The following LTBP1 variants were observed in gnomAD, a reference collection of about 807,000 sequenced individuals.
The protein encoded by LTBP1 is latent transforming growth factor beta binding protein 1.
LTBP1 carries 129 observed loss-of-function variants against 207.6 expected under a neutral mutation model. The ratio of observed to expected loss-of-function variants is 0.62; its 90% CI spans 0.54 to 0.72. LTBP1 has a LOEUF of 0.72. LTBP1 is among the 30% of genes least tolerant of loss of function. LTBP1 has a pLI of 0.00. For missense variants in LTBP1, 2,281 were observed against 2,217.2 expected (o/e 1.03, Z -0.58); for synonymous variants, 963 against 833.7 (o/e 1.16, Z -2.67).
At chr2:33,158,153 A>C (rs1029904283) in intron 5 of LTBP1, among the ~76,000 whole-genome samples, 5 of 140,262 alleles carry the variant, frequency 3.6e-5, no homozygotes, top group African/African-American at 5.0e-5. Context: ...AAAAACAAAA[A>C]AAAAAAAAAA....
At position 33,287,321 on chromosome 2, in the gene LTBP1, C is replaced by A. The variant is rs1181490712; in HGVS notation, c.3113-5839C>A. ...AGGTTATAGGTAATAAATGTCAGAACTAGGATGTGACCTCTGATCTTTTAT... is the reference window on the plus strand; with the variant it reads ...AGGTTATAGGTAATAAATGTCAGAAATAGGATGTGACCTCTGATCTTTTAT... On this transcript the variant is annotated intron_variant, in intron 19 of 33. Coordinates refer to ENST00000404816, the MANE Select transcript of LTBP1 (RefSeq NM_206943.4). Among the ~76,000 whole-genome samples, 5 of 152,214 alleles carry A rather than the reference C, an allele frequency of 3.3e-5. No individual in the cohort carries two copies. The East Asian group carries it at 9.6e-4, about 29-fold the overall frequency.
At position 32,949,978 on chromosome 2, in the gene LTBP1, CT is replaced by C. The variant is rs368980845; in HGVS notation, c.565+1035del. Among the ~76,000 whole-genome samples the C allele has an allele frequency of 1.2e-3, 181 of 152,338 alleles. 1 individual carries two copies. The highest frequency in any genetic ancestry group is 4.2e-3 in the African/African-American group (175 of 41,574). On this transcript the variant is annotated intron_variant, in intron 2 of 33. Transcript: ENST00000404816. ...AGCAGTAATTGCAGACATGAACAGT[CT>C]TCTGACTATTGAACTCAAACCACTA...
intron 5 of LTBP1, among the ~76,000 whole-genome samples, chr2:33,152,877 A>G (rs2083652753): frequency 6.6e-6 from 1 of 152,220 alleles, no homozygotes; most frequent in Non-Finnish European, 1.5e-5. Flanking sequence ...CTGATAATTG[A>G]TTGTGAATCT....
At chr2:33,194,949 C>T (rs1038096199) in intron 7 of LTBP1, among the ~76,000 whole-genome samples, 7 of 152,202 alleles carry the variant, frequency 4.6e-5, no homozygotes, top group Admixed American at 2.6e-4. Flanking sequence ...GTTAAATGTA[C>T]TCTGCCTGTG....
intron 3 of LTBP1, among the ~76,000 whole-genome samples, chr2:33,053,159 C>G (rs939344059): frequency 6.6e-6 from 1 of 152,204 alleles, no homozygotes; most frequent in Non-Finnish European, 1.5e-5. Flanking sequence ...GCGTAAGCCA[C>G]CGCGCCTGGC....
chr2:33,369,907 C>G (rs1283460934), intron 31 of LTBP1, among the ~76,000 whole-genome samples: 1 of 152,218 alleles, frequency 6.6e-6, no homozygotes, highest in Middle Eastern at 3.2e-3. Flanking sequence ...ACAAAACCAT[C>G]TCTTGTTGCA....
At chr2:33,143,311 T>G (rs184571476) in intron 5 of LTBP1, among the ~76,000 whole-genome samples, 18 of 152,318 alleles carry the variant, frequency 1.2e-4, no homozygotes, top group African/African-American at 3.6e-4. Flanking sequence ...ACTTGTCCAC[T>G]CCATCTTGGC....
rs1219703492 is a variant in LTBP1, at chr2:33,134,081, A to G, written c.1034-712A>G. On this transcript the variant is annotated intron_variant, in intron 4 of 33. Transcript: ENST00000404816. The surrounding 1 kb of genome is among the most constrained non-coding windows in gnomAD (Gnocchi z 4.4). The stretch of plus-strand genomic sequence containing the variant: ...GAGCCCAAGGGTGTTATTTTTAGGG[A>G]GGCAACCATTTATCCCTGTGACCTG... Among the ~76,000 whole-genome samples the G allele has an allele frequency of 6.6e-6, 1 of 152,144 alleles. No individual in the cohort carries two copies. Among genetic ancestry groups the G allele is most frequent in the Non-Finnish European group, 1.5e-5 (1 of 68,020 alleles).
intron 5 of LTBP1, among the ~76,000 whole-genome samples, chr2:33,137,157 A>G (rs1284543544): frequency 6.6e-6 from 1 of 152,212 alleles, no homozygotes; most frequent in East Asian, 1.9e-4. Context: ...AAAATTCAAA[A>G]ACGTTTATGC....
intron 3 of LTBP1, among the ~76,000 whole-genome samples, chr2:33,040,664 C>G (rs1573250090): frequency 6.6e-6 from 1 of 152,204 alleles, no homozygotes; most frequent in Non-Finnish European, 1.5e-5. Flanking sequence ...CTGTCATATC[C>G]TCCCTTGAAT....
rs146682313 is a variant in LTBP1, at chr2:32,965,949, C to A, written c.565+17004C>A. ...TTATACTATTTTGCAGTCCCACCAG[C>A]AACAAATGAGAGTTCCTATTGTTCC... On this transcript the variant is annotated intron_variant, in intron 2 of 33. Transcript: ENST00000404816. Among the ~76,000 whole-genome samples, 438 of 152,308 alleles carry A rather than the reference C, an allele frequency of 2.9e-3. 1 individual carries two copies. Among genetic ancestry groups the A allele is most frequent in the Admixed American group, 4.4e-3 (67 of 15,302 alleles).
At chr2:33,184,824 T>C (rs2087024802) in intron 5 of LTBP1, among the ~76,000 whole-genome samples, 1 of 151,340 alleles carries the variant, frequency 6.6e-6, no homozygotes, top group Admixed American at 6.6e-5. Context: ...CATTGGGCTA[T>C]GTGCTAGCAG....
intron 5 of LTBP1, among the ~76,000 whole-genome samples, chr2:33,164,352 G>GGAA (rs1558735455): frequency 3.5e-5 from 1 of 28,260 alleles, no homozygotes; most frequent in Non-Finnish European, 7.5e-5. Flanking sequence ...TTCCTCTCAG[G>GGAA]AAAAAAAAAA....
At chr2:33,084,439 A>G (rs1474614606) in intron 3 of LTBP1, among the ~76,000 whole-genome samples, 1 of 152,004 alleles carries the variant, frequency 6.6e-6, no homozygotes, top group African/African-American at 2.4e-5. Context: ...CTTTATCCTC[A>G]TTGCGTCTGT....
intron 13 of LTBP1, among the ~76,000 whole-genome samples, chr2:33,260,013 C>A (rs2092967852): frequency 6.6e-6 from 1 of 152,154 alleles, no homozygotes; most frequent in South Asian, 2.1e-4. Flanking sequence ...TAGTGAAGTA[C>A]TTCTTAGTTC....
At chr2:33,243,838 T>C in intron 10 of LTBP1, 54 bp downstream of exon 10, 2 of 1,602,046 alleles carry the variant, frequency 1.2e-6, no homozygotes, top group South Asian at 1.1e-5. Flanking sequence ...TTTGGGGTTT[T>C]TCCAAAAGAA....
At chr2:33,223,388 A>T (rs759371377) in intron 9 of LTBP1, among the ~76,000 whole-genome samples, 1 of 152,234 alleles carries the variant, frequency 6.6e-6, no homozygotes, top group Non-Finnish European at 1.5e-5. Flanking sequence ...GTAAGCCCTC[A>T]TGTGTCACAG....
intron 7 of LTBP1, among the ~76,000 whole-genome samples, chr2:33,209,033 A>G (rs944874866): frequency 6.6e-6 from 1 of 151,510 alleles, no homozygotes; most frequent in African/African-American, 2.4e-5. Flanking sequence ...AAGCTTGGCT[A>G]TTTTTTTGTG....
chr2:33,025,492 A>G (rs60526867), intron 3 of LTBP1, among the ~76,000 whole-genome samples: 17,918 of 152,188 alleles, frequency 0.12, 1,187 homozygotes, highest in African/African-American at 0.15. Flanking sequence ...AGGCTTAAGA[A>G]ACACATTAAC....
Sources: allele counts gnomAD v4.1 joint callset (sites outside exome capture counted in the v4.1 genomes callset), GRCh38; gene constraint gnomAD v4.1.1; non-coding constraint Gnocchi (gnomAD v3.1); transcripts MANE v1.5; gene names NCBI Gene and HGNC (gene_info 2026-07-23, HGNC 2026-07-21).